The following ZPBP variants were observed in gnomAD, a reference collection of about 807,000 sequenced individuals.
ZPBP encodes zona pellucida binding protein.
In ZPBP, 26 loss-of-function variants were observed where a neutral mutation model predicts 44.8. The ratio of observed to expected loss-of-function variants is 0.58; its 90% CI spans 0.43 to 0.81. The LOEUF (loss-of-function observed/expected upper bound fraction) is 0.81. ZPBP is among the 30% of genes least tolerant of loss of function. The pLI is 0.00. For missense variants in ZPBP, 409 were observed against 434.0 expected (o/e 0.94, Z 0.51); for synonymous variants, 174 against 153.2 (o/e 1.14, Z -1.00).
intron 4 of ZPBP, among the ~76,000 whole-genome samples, chr7:50,035,467 A>G (rs1214425932): frequency 5.3e-5 from 8 of 152,220 alleles, no homozygotes; most frequent in Admixed American, 1.3e-4. Context: ...ATAATAATAA[A>G]TTAGTTTTCA....
At chr7:50,004,047 T>C (rs935819247) in intron 6 of ZPBP, among the ~76,000 whole-genome samples, 1 of 152,082 alleles carries the variant, frequency 6.6e-6, no homozygotes, top group Non-Finnish European at 1.5e-5. Flanking sequence ...GATGCCTAGA[T>C]GGCCGGTGAA....
At chr7:50,086,884 C>T (rs150284344) in intron 2 of ZPBP, among the ~76,000 whole-genome samples, 2 of 152,104 alleles carry the variant, frequency 1.3e-5, no homozygotes, top group Admixed American at 6.6e-5. Flanking sequence ...CATAGCCAGA[C>T]ACATCATAAT....
At chr7:50,089,444 T>C (rs1263136825) in intron 2 of ZPBP, among the ~76,000 whole-genome samples, 185 bp downstream of exon 2, 1 of 152,106 alleles carries the variant, frequency 6.6e-6, no homozygotes, top group Non-Finnish European at 1.5e-5. Flanking sequence ...TATGTAGTTA[T>C]AGCATATAGT....
chr7:50,024,472 C>T (rs1799235517), intron 5 of ZPBP, among the ~76,000 whole-genome samples: 1 of 151,776 alleles, frequency 6.6e-6, no homozygotes, highest in Non-Finnish European at 1.5e-5. Context: ...TATACACACA[C>T]ACACACAGAG....
intron 2 of ZPBP, among the ~76,000 whole-genome samples, chr7:49,891,260 G>A (rs624007): frequency 0.033 from 4,956 of 152,170 alleles, 297 homozygotes; most frequent in African/African-American, 0.11. Context: ...TGAGACAAGC[G>A]ATAAAAGCCT....
chr7:50,009,176 G>A (rs938215545), intron 6 of ZPBP, among the ~76,000 whole-genome samples: 1 of 147,882 alleles, frequency 6.8e-6, no homozygotes, highest in Non-Finnish European at 1.5e-5. Context: ...GGTGGAGGTT[G>A]CAGTGAGCCA....
intron 6 of ZPBP, among the ~76,000 whole-genome samples, chr7:49,985,820 A>T (rs923450496): frequency 3.3e-5 from 5 of 152,150 alleles, no homozygotes; most frequent in Non-Finnish European, 7.4e-5. Context: ...CATGCTGGCA[A>T]CAGACTGGGG....
chr7:49,935,503 A>G (rs1032574269), downstream of ZPBP, among the ~76,000 whole-genome samples: 1 of 152,008 alleles, frequency 6.6e-6, no homozygotes, highest in African/African-American at 2.4e-5. Flanking sequence ...GTTTCAAGCG[A>G]TTCTCCTGCC....
At chr7:50,007,053 A>G (rs1798343377) in intron 6 of ZPBP, among the ~76,000 whole-genome samples, 2 of 151,888 alleles carry the variant, frequency 1.3e-5, no homozygotes, top group Admixed American at 1.3e-4. Flanking sequence ...GGCTGAAGGG[A>G]GCTGTTGTTC....
intron 7 of ZPBP, among the ~76,000 whole-genome samples, chr7:49,968,556 C>G (rs1318687915): frequency 1.3e-5 from 2 of 151,984 alleles, no homozygotes; most frequent in Admixed American, 1.3e-4. Flanking sequence ...TAATCTTAAA[C>G]TAGATCTCTC....
intron 6 of ZPBP, among the ~76,000 whole-genome samples, chr7:49,990,673 A>C (rs1430385618): frequency 6.6e-6 from 1 of 152,212 alleles, no homozygotes; most frequent in East Asian, 1.9e-4. Context: ...AACAAAAAAA[A>C]AACTGTTACT....
intron 1 of ZPBP, among the ~76,000 whole-genome samples, chr7:49,931,297 G>T (rs533128855): frequency 6.6e-6 from 1 of 152,334 alleles, no homozygotes; most frequent in South Asian, 2.1e-4. Context: ...ACGGGCAGAG[G>T]TTGGGACAGT....
At chr7:49,895,509 A>G in intron 2 of ZPBP, among the ~76,000 whole-genome samples, 1 of 152,230 alleles carries the variant, frequency 6.6e-6, no homozygotes, top group Non-Finnish European at 1.5e-5. Flanking sequence ...ATGATCACAG[A>G]AAAAATCAGT....
chr7:49,858,705 TAATA>T (rs1790528351), intron 2 of ZPBP, among the ~76,000 whole-genome samples: 1 of 149,524 alleles, frequency 6.7e-6, no homozygotes. Flanking sequence ...AGTATAATAA[TAATA>T]AAAAAAAGAA....
At chr7:49,983,268 G>T in intron 7 of ZPBP, 74 bp downstream of exon 7, 1 of 1,213,688 alleles carries the variant, frequency 8.2e-7, no homozygotes, top group Non-Finnish European at 1.2e-6. Flanking sequence ...TAAGTGATAT[G>T]CATTCACTTA....
intron 7 of ZPBP, among the ~76,000 whole-genome samples, chr7:49,969,820 G>C (rs11974254): frequency 5.6e-5 from 4 of 71,474 alleles, no homozygotes; most frequent in African/African-American, 1.8e-4. Context: ...TATATATATA[G>C]AGAGAGAGAG....
At chr7:49,868,091 C>T (rs1790989997) in intron 2 of ZPBP, among the ~76,000 whole-genome samples, 1 of 152,114 alleles carries the variant, frequency 6.6e-6, no homozygotes. Flanking sequence ...ACCTCGGCCT[C>T]CCAAAGTGCT....
chr7:50,018,170 G>T (rs1798907167), intron 6 of ZPBP, 70 bp downstream of exon 6: 8 of 1,107,876 alleles, frequency 7.2e-6, no homozygotes, highest in Non-Finnish European at 1.1e-5. Flanking sequence ...AAATAGCTAG[G>T]ATGCTTACTT....
At chr7:49,981,538 TTTATATAATTATATAAATTATATA>T (rs1313196969) in intron 7 of ZPBP, among the ~76,000 whole-genome samples, 17 of 29,888 alleles carry the variant, frequency 5.7e-4, no homozygotes, top group South Asian at 3.2e-3. Context: ...ATATTATAAT[TTTATATAATTATATAAATTATATA>T]TTATATAATT....
Sources: gnomAD v4.1 joint callset for allele counts (sites outside exome capture counted in the v4.1 genomes callset) on GRCh38, gnomAD v4.1.1 for gene constraint, MANE v1.5 for transcripts, NCBI Gene and HGNC (gene_info 2026-07-23, HGNC 2026-07-21) for gene names.